The following TTC21A variants were observed in gnomAD, a reference collection of about 807,000 sequenced individuals.
TTC21A encodes tetratricopeptide repeat protein 21A.
TTC21A carries 128 observed loss-of-function variants against 156.4 expected under a neutral mutation model. That is an observed-to-expected ratio of 0.82 (90% CI 0.71 to 0.95). The LOEUF is 0.95. Among genes scored for constraint, TTC21A ranks in the 40% least tolerant of loss-of-function variants. The pLI is 0.00. For synonymous variants in TTC21A, 587 were observed against 617.1 expected (o/e 0.95, Z 0.72); for missense variants, 1,435 against 1,602.3 (o/e 0.90, Z 1.78).
At chr3:39,126,468 A>T (rs1575535300) in intron 12 of TTC21A, 78 bp downstream of exon 12, 2 of 1,134,374 alleles carry the variant, frequency 1.8e-6, no homozygotes, top group East Asian at 5.2e-5. Flanking sequence ...CTCCTTGCCT[A>T]GGATACTACA....
In TTC21A at chr3:39,138,723, C is replaced by T; in HGVS notation, c.3877C>T (p.His1293Tyr). The T allele has an allele frequency of 6.2e-7, 1 of 1,614,104 alleles. No individual in the cohort carries two copies. Among genetic ancestry groups the T allele is most frequent in the Non-Finnish European group, 8.5e-7 (1 of 1,179,990 alleles). The change falls in exon 29 of 29, where the codon CAC becomes TAC. Residue 1293 changes from histidine to tyrosine, a missense_variant. His to Tyr is a moderately conservative substitution (Grantham distance 83). Coordinates refer to ENST00000683103, the MANE Select transcript of TTC21A (RefSeq NM_001366900.1). ...IEICNDVLREHPDYPKIREEI... is the reference protein window; with the variant it reads ...IEICNDVLREYPDYPKIREEI... ...CTCTCTGTTCCAGGTCCTCAGGGAG[C>T]ACCCCGACTACCCCAAGATCAGGGA...
intron 28 of TTC21A, 39 bp from the exon 29 acceptor site, chr3:39,138,672 C>T: frequency 2.5e-6 from 4 of 1,613,764 alleles, no homozygotes; most frequent in Non-Finnish European, 2.5e-6. Context: ...GGTGGGGAAA[C>T]CTGCATGATA....
At position 39,136,394 on chromosome 3, in the gene TTC21A, A is replaced by G. The variant is rs745782844; in HGVS notation, c.2982A>G (p.Leu994=). ...FLVLHKLIDL[L]RRSGKLEDIP... is the part of the protein sequence containing the mutation. ...TATTGCATAAATTAATCGATCTGCT[A>G]AGAAGAAGTGGAAAACTTGAAGACA... The change falls in exon 23 of 29, where the codon CTA becomes CTG. Residue 994 remains leucine (L), a synonymous_variant. Transcript: ENST00000683103. The G allele has an allele frequency of 3.3e-5, 54 of 1,613,944 alleles. 1 individual carries two copies. Among genetic ancestry groups the G allele is most frequent in the Non-Finnish European group, 3.3e-5 (39 of 1,179,964 alleles).
At chr3:39,110,291 C>CT in intron 3 of TTC21A, 152 bp downstream of exon 3, 1 of 701,146 alleles carries the variant, frequency 1.4e-6, no homozygotes. Flanking sequence ...GCTGCTGCTC[C>CT]TCTCCCCCTG....
rs1301483888 is a variant in TTC21A at position 39,114,516 on chromosome 3, A to G, written c.559-69A>G. 3.3e-6 allele frequency: 5 copies of G among 1,498,552 alleles called. No homozygotes were observed. The Admixed American group carries it at 5.0e-5, about 15-fold the overall frequency. 92.8% of individuals were successfully genotyped at this position (1,498,552 alleles called of 1,614,324 possible). ...CTGTTTTCATGGAGACACAGAGACA[A>G]CCCCCCTCCAGCAAACTCCCTTCAT... On this transcript the variant is annotated intron_variant, in intron 5 of 28. Coordinates refer to ENST00000683103, the MANE Select transcript of TTC21A (RefSeq NM_001366900.1).
chr3:39,111,613 A>G (rs2036835700), intron 4 of TTC21A, among the ~76,000 whole-genome samples: 1 of 152,104 alleles, frequency 6.6e-6, no homozygotes, highest in Non-Finnish European at 1.5e-5. Context: ...GCTGATACCA[A>G]TTTTCAAGGG....
At chr3:39,118,771 G>C (rs995927688) in intron 7 of TTC21A, 1 of 153,144 alleles carries the variant, frequency 6.5e-6, no homozygotes, top group Non-Finnish European at 1.5e-5. Flanking sequence ...TTTTCAGAAA[G>C]GTTTGTTTTT....
chr3:39,125,056 T>C lies in TTC21A; in HGVS notation c.1094-7T>C. 6.3e-7 allele frequency: 1 copy of C among 1,597,384 alleles called. No individual in the cohort carries two copies. The highest frequency in any genetic ancestry group is 1.7e-4 in the Middle Eastern group (1 of 6,010). On this transcript the variant is annotated splice_region_variant and splice_polypyrimidine_tract_variant and intron_variant, in intron 9 of 28. Transcript: ENST00000683103. ...AGCTGCTCATCATTGTTTTGTCCCA[T>C]TTACAGGGATCATCTTGTGTCATAT...
At chr3:39,116,938 C>G (rs2037343636) in intron 6 of TTC21A, among the ~76,000 whole-genome samples, 1 of 152,128 alleles carries the variant, frequency 6.6e-6, no homozygotes, top group South Asian at 2.1e-4. Context: ...AACTCCTGGC[C>G]TTAAGCAATC....
chr3:39,110,738 A>G, intron 3 of TTC21A, 113 bp from the exon 4 acceptor site: 1 of 1,113,580 alleles, frequency 9.0e-7, no homozygotes, highest in Non-Finnish European at 1.3e-6. Context: ...AAGGAGATCC[A>G]CAGTGTCTGG....
At position 39,110,957 on chromosome 3, in the gene TTC21A, C is replaced by T. The variant is rs2036772334; in HGVS notation, c.375C>T (p.Arg125=). Residue 125 remains arginine, a synonymous_variant, in exon 4 of 29, where the codon CGC becomes CGT. Transcript: ENST00000683103. Reference sequence around the variant, plus strand: ...GCCTTTTCCTCTGGCTCATAGGCCGCCATGACAAGGCCAAAGAGTACATTG... The same window carrying T: ...GCCTTTTCCTCTGGCTCATAGGCCGTCATGACAAGGCCAAAGAGTACATTG... ...YAGLFLWLIG[R]HDKAKEYIDR... 6.2e-7 allele frequency: 1 copy of T among 1,613,958 alleles called. No individual in the cohort carries two copies.
chr3:39,132,245 G>A (rs2038778832), intron 19 of TTC21A, among the ~76,000 whole-genome samples: 1 of 152,192 alleles, frequency 6.6e-6, no homozygotes, highest in African/African-American at 2.4e-5. Context: ...TATGTGGTCT[G>A]TCATTGACTG....
intron 19 of TTC21A, 124 bp downstream of exon 19, chr3:39,131,219 A>G: frequency 1.5e-6 from 1 of 662,644 alleles, no homozygotes; most frequent in Admixed American, 2.9e-5. Context: ...GACCTAGGTT[A>G]CACCTCTGAC....
At chr3:39,113,518 C>G (rs2037006910) in intron 5 of TTC21A, among the ~76,000 whole-genome samples, 1 of 152,190 alleles carries the variant, frequency 6.6e-6, no homozygotes, top group Non-Finnish European at 1.5e-5. Flanking sequence ...GACAAAGCAG[C>G]TCCCTTCAAC....
At chr3:39,128,252 A>C in intron 12 of TTC21A, 79 bp from the exon 13 acceptor site, 2 of 1,491,738 alleles carry the variant, frequency 1.3e-6, no homozygotes, top group East Asian at 2.3e-5. Context: ...AGGACATGTA[A>C]AATTCATTCT....
chr3:39,110,410 C>A, intron 3 of TTC21A: 1 of 562,578 alleles, frequency 1.8e-6, no homozygotes, highest in East Asian at 3.1e-5. Flanking sequence ...GGGAAACACC[C>A]TTCTTCTTTG....
rs2037124837 is a variant in TTC21A, at chr3:39,114,641, G to C, written c.615G>C (p.Gln205His). The C allele has an allele frequency of 1.2e-6, 2 of 1,614,216 alleles. No homozygotes were observed. Among genetic ancestry groups the C allele is most frequent in the Non-Finnish European group, 1.7e-6 (2 of 1,180,024 alleles). ...CAGAGGCCCTGGAGGTGGTGAACCA[G>C]ATCACTGTGACTTCAGGGAGCTTCC... ...NYSEALEVVN[Q>H]ITVTSGSFLP... The change falls in exon 6 of 29, where the codon CAG becomes CAC. Residue 205 changes from glutamine to histidine, a missense_variant. Transcript: ENST00000683103.
chr3:39,111,522 C>T lies in TTC21A; in HGVS notation c.435+505C>T, dbSNP rs899512461. Reference sequence around the variant, plus strand: ...GCTCTGCTGGAACTGAATGGTGGCTCATGCAGTGCAGCCCATATACTGTAT... The same window carrying T: ...GCTCTGCTGGAACTGAATGGTGGCTTATGCAGTGCAGCCCATATACTGTAT... On this transcript the variant is annotated intron_variant, in intron 4 of 28. Coordinates refer to ENST00000683103, the MANE Select transcript of TTC21A (RefSeq NM_001366900.1). Among the ~76,000 whole-genome samples, 3 of 152,184 alleles carry T rather than the reference C, an allele frequency of 2.0e-5. No homozygotes were observed. In the East Asian group the frequency reaches 5.8e-4, roughly 29 times the overall value.
At chr3:39,118,613 G>T in intron 7 of TTC21A, 1 of 167,536 alleles carries the variant, frequency 6.0e-6, no homozygotes, top group Non-Finnish European at 1.3e-5. Context: ...GGGATAGTTG[G>T]AACTGCTCAG....
Sources: gnomAD v4.1 joint callset for allele counts (sites outside exome capture counted in the v4.1 genomes callset) on GRCh38, gnomAD v4.1.1 for gene constraint, MANE v1.5 for transcripts, NCBI Gene and HGNC (gene_info 2026-07-23, HGNC 2026-07-21) for gene names.